The following NIPSNAP2 variants were observed in gnomAD, a reference collection of about 807,000 sequenced individuals.
NIPSNAP2 encodes protein NipSnap homolog 2.
Under a neutral mutation model 48.4 loss-of-function variants are expected in NIPSNAP2, and 42 were observed. That is an observed-to-expected ratio of 0.87 (90% CI 0.68 to 1.12). NIPSNAP2 has a LOEUF of 1.12. Ranked by LOEUF, NIPSNAP2 falls within the 50% of genes most tolerant of loss-of-function variation. The pLI, the probability that NIPSNAP2 is intolerant of heterozygous loss-of-function variation, is 0.00. For synonymous variants in NIPSNAP2, 158 were observed against 126.6 expected (o/e 1.25, Z -1.67); for missense variants, 314 against 347.3 (o/e 0.90, Z 0.76).
At chr7:55,995,403 C>G (rs1389412848) in intron 8 of NIPSNAP2, among the ~76,000 whole-genome samples, 1 of 152,214 alleles carries the variant, frequency 6.6e-6, no homozygotes, top group African/African-American at 2.4e-5. Flanking sequence ...CGTGGTTCCA[C>G]TGTCTCATGA....
intron 1 of NIPSNAP2, among the ~76,000 whole-genome samples, chr7:55,968,472 G>T (rs951829189): frequency 2.0e-5 from 3 of 149,756 alleles, no homozygotes; most frequent in Non-Finnish European, 4.4e-5. Context: ...TGCAACCTCT[G>T]CCTCCCGGGT....
intron 1 of NIPSNAP2, among the ~76,000 whole-genome samples, chr7:55,973,763 G>A (rs1246253406): frequency 6.6e-6 from 1 of 151,908 alleles, no homozygotes; most frequent in Admixed American, 6.6e-5. Flanking sequence ...GGATTTAGAA[G>A]CGTGAGCCAC....
chr7:55,983,229 C>G (rs1787257274), intron 5 of NIPSNAP2, among the ~76,000 whole-genome samples: 1 of 152,210 alleles, frequency 6.6e-6, no homozygotes, highest in African/African-American at 2.4e-5. Flanking sequence ...AATTCAGGAA[C>G]TGTTTGTCAC....
At position 55,982,292 on chromosome 7, in the gene NIPSNAP2, G is replaced by A; in HGVS notation, c.444+12G>A. On this transcript the variant is annotated intron_variant, in intron 5 of 9. Coordinates refer to ENST00000322090, the MANE Select transcript of NIPSNAP2 (RefSeq NM_001483.3). ...TCAGAGAAAATAAGGTAATGATATT[G>A]AAAAATGTTTACTTAGACTAATGAT... 1 of 1,515,708 alleles carries A rather than the reference G, an allele frequency of 6.6e-7. No homozygotes were observed. The highest frequency in any genetic ancestry group is 9.1e-7 in the Non-Finnish European group (1 of 1,093,790). 93.9% of individuals were successfully genotyped at this position (1,515,708 alleles called of 1,614,324 possible).
chr7:55,977,102 T>G (rs561961195), intron 1 of NIPSNAP2, among the ~76,000 whole-genome samples: 1 of 152,258 alleles, frequency 6.6e-6, no homozygotes, highest in South Asian at 2.1e-4. Flanking sequence ...ATCTTGATTT[T>G]TTTTTTGGCC....
chr7:55,995,641 T>A (rs111435370), intron 8 of NIPSNAP2, among the ~76,000 whole-genome samples: 11 of 152,280 alleles, frequency 7.2e-5, no homozygotes, highest in African/African-American at 2.6e-4. Context: ...CAGGATTGGA[T>A]GGAGGAAGGT....
chr7:55,976,846 T>G (rs1202508063), intron 1 of NIPSNAP2, among the ~76,000 whole-genome samples: 3 of 152,038 alleles, frequency 2.0e-5, no homozygotes. Flanking sequence ...TACAGTGAGC[T>G]ATCGCACCAC....
At chr7:55,987,214 A>C (rs1416793409) in intron 7 of NIPSNAP2, among the ~76,000 whole-genome samples, 1 of 152,176 alleles carries the variant, frequency 6.6e-6, no homozygotes, top group Admixed American at 6.6e-5. Flanking sequence ...TTCTGGATAT[A>C]TATCCAACAG....
At chr7:55,996,257 A>G (rs1185690504) in intron 8 of NIPSNAP2, among the ~76,000 whole-genome samples, 2 of 148,974 alleles carry the variant, frequency 1.3e-5, no homozygotes, top group East Asian at 3.9e-4. Context: ...CTGCATTCCA[A>G]CTTGGGCAAC....
intron 8 of NIPSNAP2, among the ~76,000 whole-genome samples, chr7:55,997,158 GAAAA>G (rs34739025): frequency 3.6e-5 from 4 of 112,298 alleles, no homozygotes; most frequent in East Asian, 2.6e-4. Flanking sequence ...CCTTGTCTCA[GAAAA>G]AAAAAAAAAA....
rs548966809 is a variant in NIPSNAP2 at position 55,964,731 on chromosome 7, C to T, written c.92+30C>T. On this transcript the variant is annotated intron_variant, in intron 1 of 9. Coordinates refer to ENST00000322090, the MANE Select transcript of NIPSNAP2 (RefSeq NM_001483.3). ...GCAGCGCCGCCCTTCCCGGGAGGTG[C>T]CGGGGAGGGGCCGCCGCGAGGCGGA... 5.7e-4 allele frequency: 611 copies of T among 1,072,892 alleles called. 2 individuals are homozygous for T. The African/African-American group carries it at 9.1e-3, about 16-fold the overall frequency. 66.5% of individuals were successfully genotyped at this position (1,072,892 alleles called of 1,614,324 possible).
chr7:55,979,407 A>C (rs1217393869), intron 3 of NIPSNAP2: 1 of 171,696 alleles, frequency 5.8e-6, no homozygotes, highest in Non-Finnish European at 1.3e-5. Flanking sequence ...TTGTGCTCTC[A>C]CTTCACACCC....
At chr7:55,984,735 AG>A (rs1787291560) in intron 6 of NIPSNAP2, 111 bp from the exon 7 acceptor site, 4 of 732,536 alleles carry the variant, frequency 5.5e-6, no homozygotes, top group Non-Finnish European at 6.7e-6. Context: ...AAAAAAAAAA[AG>A]GTTTTTTGAA....
At chr7:55,996,409 C>G (rs1787565472) in intron 8 of NIPSNAP2, among the ~76,000 whole-genome samples, 1 of 152,122 alleles carries the variant, frequency 6.6e-6, no homozygotes, top group Admixed American at 6.6e-5. Flanking sequence ...TCAGTGATGT[C>G]CTTTTCAACT....
At chr7:55,971,906 T>G (rs1397036556) in intron 1 of NIPSNAP2, among the ~76,000 whole-genome samples, 1 of 152,166 alleles carries the variant, frequency 6.6e-6, no homozygotes. Flanking sequence ...TTTTATTATA[T>G]CCCTTTCTTA....
chr7:55,998,505 T>G lies in NIPSNAP2; in HGVS notation c.797-503T>G, dbSNP rs867077243. Among the ~76,000 whole-genome samples, 24 of 127,398 alleles carry G rather than the reference T, an allele frequency of 1.9e-4. 1 individual carries two copies. Among genetic ancestry groups the G allele is most frequent in the African/African-American group, 4.5e-4 (14 of 31,118 alleles). The allele number at this position is 127,398 out of a possible 152,430, so 83.6% of individuals were successfully genotyped here. On this transcript the variant is annotated intron_variant, in intron 9 of 9. Coordinates refer to ENST00000322090, the MANE Select transcript of NIPSNAP2 (RefSeq NM_001483.3). ...CCAGGTAGGATCTGTTTTTTTTTTT[T>G]TTTTTTTTTTTTTTGAGACGGAGTC...
chr7:55,977,568 C>G (rs992194687), intron 1 of NIPSNAP2, among the ~76,000 whole-genome samples: 3 of 152,110 alleles, frequency 2.0e-5, no homozygotes, highest in Non-Finnish European at 4.4e-5. Context: ...CTTATATTCA[C>G]ATTGTTGTAC....
intron 7 of NIPSNAP2, among the ~76,000 whole-genome samples, chr7:55,990,910 C>T (rs1787431326): frequency 6.6e-6 from 1 of 151,900 alleles, no homozygotes; most frequent in Non-Finnish European, 1.5e-5. Context: ...GCCTCAGCCT[C>T]CCAAGTAGTT....
intron 3 of NIPSNAP2, 55 bp from the exon 4 acceptor site, chr7:55,981,415 TCCA>T (rs1787213647): frequency 8.2e-7 from 1 of 1,216,478 alleles, no homozygotes; most frequent in Admixed American, 1.7e-5. Context: ...TCAGGTGCTG[TCCA>T]CCTGGTCAAA....
Sources: allele counts gnomAD v4.1 joint callset (sites outside exome capture counted in the v4.1 genomes callset), GRCh38; gene constraint gnomAD v4.1.1; transcripts MANE v1.5; gene names NCBI Gene and HGNC (gene_info 2026-07-23, HGNC 2026-07-21).